Variants in DNMBP observed in about 807,000 individuals in gnomAD.
DNMBP encodes dynamin binding protein.
A neutral mutation model predicts 150.0 loss-of-function variants in DNMBP; 87 were observed. The ratio of observed to expected loss-of-function variants is 0.58; its 90% confidence interval spans 0.49 to 0.69. The LOEUF (loss-of-function observed/expected upper bound fraction) is 0.69, where lower values mean the gene tolerates loss of function less well. DNMBP is among the 30% of genes least tolerant of loss of function. The probability of loss-of-function intolerance (pLI) is 0.00; values close to 1 mark genes in which losing one functional copy is unlikely to be tolerated. For missense variants in DNMBP, 1,774 were observed against 1,949.0 expected, an observed-to-expected ratio of 0.91 and a Z score of 1.69; for synonymous variants, 711 against 750.4, an observed-to-expected ratio of 0.95 and a Z score of 0.86.
chr10:99,978,020 C>T (rs2040746951), intron 1 of DNMBP, among the ~76,000 whole-genome samples: 1 of 152,178 alleles, frequency 6.6e-6, no homozygotes, highest in Non-Finnish European at 1.5e-5. Flanking sequence ...CTAAGAACAA[C>T]AGCTATTGTA....
At chr10:100,005,660 C>T (rs374654457) in intron 1 of DNMBP, among the ~76,000 whole-genome samples, 4 of 149,318 alleles carry the variant, frequency 2.7e-5, no homozygotes, top group African/African-American at 9.9e-5. Flanking sequence ...GAGGCTGAGG[C>T]AGGAAATGGC....
chr10:99,883,826 A>C, intron 15 of DNMBP, among the ~76,000 whole-genome samples, 185 bp downstream of exon 15: 1 of 151,936 alleles, frequency 6.6e-6, no homozygotes. Context: ...TCAAAACAAA[A>C]AGAGGTTTTG....
chr10:99,910,994 C>A (rs1194386379), intron 4 of DNMBP, among the ~76,000 whole-genome samples: 2 of 152,184 alleles, frequency 1.3e-5, no homozygotes, highest in Non-Finnish European at 2.9e-5. Context: ...AATCCCAGCA[C>A]TTTGGGAGGC....
chr10:99,913,993 T>C, intron 4 of DNMBP: 2 of 1,499,902 alleles, frequency 1.3e-6, no homozygotes, highest in East Asian at 2.7e-5. Context: ...GGTGTGGGCC[T>C]GAGGGTAAGC....
intron 3 of DNMBP, among the ~76,000 whole-genome samples, chr10:99,964,824 T>A (rs1399189968): frequency 6.7e-6 from 1 of 150,104 alleles, no homozygotes; most frequent in Non-Finnish European, 1.5e-5. Context: ...TGAGCAGAAA[T>A]TGCGCCACTG....
chr10:99,918,344 G>A (rs1392691687), intron 4 of DNMBP, among the ~76,000 whole-genome samples: 1 of 152,050 alleles, frequency 6.6e-6, no homozygotes. Context: ...ATCTATTACA[G>A]TTAGGTCCTA....
chr10:99,970,971 C>CAAAAA lies in DNMBP; in HGVS notation c.145+1004_145+1008dup, dbSNP rs532226561. 8.9e-3 allele frequency among the ~76,000 whole-genome samples: 294 copies of CAAAAA among 33,182 alleles called. 55 individuals are homozygous for CAAAAA. Among genetic ancestry groups the CAAAAA allele is most frequent in the South Asian group, 0.037 (19 of 508 alleles). 21.8% of individuals were successfully genotyped at this position (33,182 alleles called of 152,430 possible). On this transcript the variant is annotated intron_variant, in intron 2 of 16. Transcript: ENST00000324109. ...TGGGCAACAGAGCAAGACTCCGTCTCAAAAAAAAAAAAAAAAAAAAAAAAA... is the reference window on the plus strand; with the variant it reads ...TGGGCAACAGAGCAAGACTCCGTCTCAAAAAAAAAAAAAAAAAAAAAAAAAAAAAA...
At chr10:99,894,264 T>C (rs1315544557) in intron 11 of DNMBP, among the ~76,000 whole-genome samples, 1 of 152,176 alleles carries the variant, frequency 6.6e-6, no homozygotes, top group Non-Finnish European at 1.5e-5. Flanking sequence ...AAAGAGACTC[T>C]GTCTCTAAAA....
At chr10:99,917,106 C>T (rs565721924) in intron 4 of DNMBP, among the ~76,000 whole-genome samples, 2 of 152,302 alleles carry the variant, frequency 1.3e-5, no homozygotes, top group East Asian at 3.9e-4. Flanking sequence ...ACCTATAATT[C>T]CAGAACTTTG....
intron 15 of DNMBP, among the ~76,000 whole-genome samples, chr10:99,883,405 T>C (rs887744034): frequency 2.0e-5 from 3 of 152,030 alleles, no homozygotes; most frequent in Non-Finnish European, 4.4e-5. Context: ...GGCTCACACC[T>C]ATAATCCCAG....
chr10:99,917,140 C>A (rs557874654), intron 4 of DNMBP, among the ~76,000 whole-genome samples: 2 of 152,116 alleles, frequency 1.3e-5, no homozygotes, highest in Non-Finnish European at 2.9e-5. Flanking sequence ...GTGGATCACC[C>A]GAGGTCAGGA....
chr10:99,953,062 T>C (rs2040442047), intron 4 of DNMBP, among the ~76,000 whole-genome samples: 1 of 152,206 alleles, frequency 6.6e-6, no homozygotes, highest in Admixed American at 6.5e-5. Context: ...CCTCTTGTAC[T>C]CTTCCTATTT....
rs554911573 is a variant in DNMBP at position 99,894,924 on chromosome 10, C to G, written c.3156+22G>C. 2.6e-6 allele frequency: 4 copies of G among 1,536,448 alleles called. No homozygotes were observed. In the African/African-American group the frequency reaches 5.5e-5, roughly 21 times the overall value. Reference sequence around the variant, plus strand: ...AGAATTACATCGTATGTTAATCTAACTACAGTGATGTTGATGCTCACCCGG... The same window carrying G: ...AGAATTACATCGTATGTTAATCTAAGTACAGTGATGTTGATGCTCACCCGG... On this transcript the variant is annotated intron_variant, in intron 11 of 16. Coordinates refer to ENST00000324109, the MANE Select transcript of DNMBP (RefSeq NM_015221.4).
chr10:99,953,347 C>T (rs917890327), intron 4 of DNMBP, among the ~76,000 whole-genome samples: 6 of 151,872 alleles, frequency 4.0e-5, no homozygotes, highest in African/African-American at 9.7e-5. Flanking sequence ...GATCCTCCTA[C>T]GTCGGCCTCC....
At chr10:99,898,583 A>G (rs541388699) in intron 8 of DNMBP, among the ~76,000 whole-genome samples, 160 bp downstream of exon 8, 15 of 152,326 alleles carry the variant, frequency 9.8e-5, no homozygotes, top group African/African-American at 3.6e-4. Flanking sequence ...ACAGATAAGT[A>G]AAGTGTTCCC....
intron 1 of DNMBP, among the ~76,000 whole-genome samples, chr10:100,009,188 T>A (rs2041107140): frequency 6.6e-6 from 1 of 152,266 alleles, no homozygotes; most frequent in Admixed American, 6.5e-5. Flanking sequence ...ACTCCTCATC[T>A]GCATCAGGCC....
intron 12 of DNMBP, among the ~76,000 whole-genome samples, chr10:99,888,304 G>A (rs1239497796): frequency 6.6e-6 from 1 of 151,548 alleles, no homozygotes. Context: ...TCCTCCTCCT[G>A]GGTTCAAGCT....
At chr10:99,924,149 A>G (rs1179567804) in intron 4 of DNMBP, among the ~76,000 whole-genome samples, 1 of 151,276 alleles carries the variant, frequency 6.6e-6, no homozygotes, top group Non-Finnish European at 1.5e-5. Context: ...GTAAGGCTCC[A>G]GGCCGGGTGC....
At chr10:99,970,971 CAAAAAAAAAAAAA>C (rs532226561) in intron 2 of DNMBP, among the ~76,000 whole-genome samples, 10 of 33,184 alleles carry the variant, frequency 3.0e-4, no homozygotes, top group South Asian at 2.0e-3. Context: ...GACTCCGTCT[CAAAAAAAAAAAAA>C]AAAAAAAAAA....
Sources: allele counts gnomAD v4.1 joint callset (sites outside exome capture counted in the v4.1 genomes callset), GRCh38; gene constraint gnomAD v4.1.1; transcripts MANE v1.5; gene names NCBI Gene and HGNC (gene_info 2026-07-23, HGNC 2026-07-21).